Variants in FRMD1 observed in about 807,000 individuals in gnomAD.
FRMD1 encodes the protein FERM domain-containing protein 1.
A neutral mutation model predicts 54.9 loss-of-function variants in FRMD1; 51 were observed. That is an observed-to-expected ratio of 0.93 (90% CI 0.74 to 1.17). The LOEUF is 1.17. Among genes scored for constraint, FRMD1 ranks in the 50% most tolerant of loss-of-function variants. The pLI is 0.00. For synonymous variants in FRMD1, 324 were observed against 306.4 expected (o/e 1.06, Z -0.60); for missense variants, 729 against 743.0 (o/e 0.98, Z 0.22).
At chr6:168,065,474 G>A (rs1049590866) in intron 4 of FRMD1, 5 of 997,384 alleles carry the variant, frequency 5.0e-6, no homozygotes, top group Admixed American at 5.9e-5. Context: ...CGCCCAGCAC[G>A]GGGCTTGGCC....
upstream of FRMD1, among the ~76,000 whole-genome samples, chr6:168,083,595 GCTGTGCACTC>G (rs1366018417): frequency 1.3e-5 from 2 of 152,258 alleles, no homozygotes; most frequent in Non-Finnish European, 2.9e-5. Flanking sequence ...GTGAAGGGCA[GCTGTGCACTC>G]CCCATCAGGT....
At chr6:168,072,022 C>G (rs1199126115) in intron 2 of FRMD1, among the ~76,000 whole-genome samples, 1 of 152,268 alleles carries the variant, frequency 6.6e-6, no homozygotes, top group African/African-American at 2.4e-5. Flanking sequence ...GACACTGTGC[C>G]TCAGTCGAAA....
chr6:168,070,620 C>T (rs986545638), intron 2 of FRMD1, among the ~76,000 whole-genome samples: 2 of 152,324 alleles, frequency 1.3e-5, no homozygotes, highest in African/African-American at 4.8e-5. Context: ...CAGCCTCCAA[C>T]AATCATATGA....
intron 2 of FRMD1, 58 bp downstream of exon 2, chr6:168,075,187 A>C: frequency 1.4e-6 from 2 of 1,449,494 alleles, no homozygotes; most frequent in Non-Finnish European, 1.9e-6. Context: ...CACCCCCTTG[A>C]CCTCCAGCAG....
At chr6:168,067,949 G>GAAA (rs11428700) in intron 2 of FRMD1, among the ~76,000 whole-genome samples, 22 of 147,836 alleles carry the variant, frequency 1.5e-4, no homozygotes, top group African/African-American at 4.2e-4. Context: ...GTCACCACAG[G>GAAA]AAAAAAAAAA....
intron 10 of FRMD1, among the ~76,000 whole-genome samples, chr6:168,058,774 C>T (rs1002854883): frequency 7.9e-5 from 12 of 152,166 alleles, no homozygotes; most frequent in East Asian, 1.9e-4. Flanking sequence ...ACGAAGGGGA[C>T]GGGGCAGCCA....
Position 168,059,844 on chromosome 6 carries a change from C to T in FRMD1, c.1343-656G>A, listed in dbSNP as rs1397647613. Among the ~76,000 whole-genome samples the T allele has an allele frequency of 6.6e-6, 1 of 152,060 alleles. No homozygotes were observed. Among genetic ancestry groups the T allele is most frequent in the East Asian group, 1.9e-4 (1 of 5,166 alleles). On this transcript the variant is annotated intron_variant, in intron 9 of 10. Coordinates refer to ENST00000283309, the MANE Select transcript of FRMD1 (RefSeq NM_024919.6). The surrounding 1 kb of genome is among the most constrained non-coding windows in gnomAD (Gnocchi z 4.4). The stretch of plus-strand genomic sequence containing the variant: ...CAGGGAATGGGCAGGGTGCATCCCT[C>T]AGGACAAGGTGCTGCGTCCTGGGCC...
intron 4 of FRMD1, chr6:168,066,236 C>T: frequency 1.0e-6 from 1 of 987,904 alleles, no homozygotes; most frequent in Non-Finnish European, 1.2e-6. Flanking sequence ...CGGTGGCTCA[C>T]ACCTGTAATC....
At chr6:168,080,923 G>A (rs893230475), upstream of FRMD1, among the ~76,000 whole-genome samples, 2 of 152,120 alleles carry the variant, frequency 1.3e-5, no homozygotes, top group Non-Finnish European at 2.9e-5. Flanking sequence ...ACAGGTGACC[G>A]TGGGCCAATG....
chr6:168,092,031 C>T (rs1033737334), intron 1 of FRMD1, among the ~76,000 whole-genome samples: 3 of 152,248 alleles, frequency 2.0e-5, no homozygotes, highest in Admixed American at 6.5e-5. Flanking sequence ...GCCTCCACAG[C>T]GCTGCACTTC....
At chr6:168,067,631 G>C (rs1800111441) in intron 2 of FRMD1, 185 bp from the exon 3 acceptor site, 1 of 537,654 alleles carries the variant, frequency 1.9e-6, no homozygotes, top group East Asian at 3.0e-5. Flanking sequence ...CACACATGCA[G>C]GTGTCAAATG....
At chr6:168,063,538 G>A (rs1799868582) in intron 6 of FRMD1, 63 bp downstream of exon 6, 1 of 1,500,500 alleles carries the variant, frequency 6.7e-7, no homozygotes, top group Non-Finnish European at 8.9e-7. Context: ...CAGCCATGGG[G>A]GCTCCGTGCA....
At chr6:168,070,528 G>A (rs564167511) in intron 2 of FRMD1, among the ~76,000 whole-genome samples, 2 of 152,152 alleles carry the variant, frequency 1.3e-5, no homozygotes, top group Non-Finnish European at 2.9e-5. Flanking sequence ...AAGGAACTCC[G>A]TCTCCCGATG....
intron 2 of FRMD1, among the ~76,000 whole-genome samples, chr6:168,074,472 G>A (rs1197419348): frequency 6.6e-6 from 1 of 151,348 alleles, no homozygotes; most frequent in African/African-American, 2.4e-5. Context: ...CATGTGTGTG[G>A]TGCATGCATG....
rs200346694 is a variant in FRMD1 at position 168,078,938 on chromosome 6, G to A, written c.157C>T (p.His53Tyr). ...TLGMDAMASE[H>Y]RDVLVLLPSR... ...GGCAGCAGCACGAGGACATCCCTGT[G>A]TTCCGAGGCCATCGCGTCCATTCCC... Residue 53 changes from histidine (H) to tyrosine (Y), a missense_variant, in exon 1 of 11, where the codon CAC (histidine) becomes TAC (tyrosine). Physicochemically the swap from His to Tyr is moderately conservative, Grantham distance 83. Transcript: ENST00000283309. The A allele has an allele frequency of 6.2e-7, 1 of 1,609,108 alleles. No individual in the cohort carries two copies. The highest frequency in any genetic ancestry group is 2.2e-5 in the East Asian group (1 of 44,850).
At chr6:168,057,462 G>A in intron 10 of FRMD1, 123 bp from the exon 11 acceptor site, 1 of 1,433,958 alleles carries the variant, frequency 7.0e-7, no homozygotes, top group Non-Finnish European at 9.3e-7. Flanking sequence ...CTGCGCCGCA[G>A]TGCATGGCCG....
chr6:168,062,062 C>T, intron 7 of FRMD1, 81 bp from the exon 8 acceptor site: 1 of 1,448,512 alleles, frequency 6.9e-7, no homozygotes, highest in Non-Finnish European at 9.3e-7. Context: ...TAAATGTCAG[C>T]CATGGCCCCC....
At chr6:168,089,420 C>T (rs114907430) in intron 1 of FRMD1, among the ~76,000 whole-genome samples, 1,746 of 152,352 alleles carry the variant, frequency 0.011, 39 homozygotes, top group African/African-American at 0.04. Context: ...CTTCCTCCTT[C>T]GTTCAGGGAC....
At chr6:168,066,891 T>C in intron 3 of FRMD1, 60 bp from the exon 4 acceptor site, 1 of 1,593,462 alleles carries the variant, frequency 6.3e-7, no homozygotes, top group African/African-American at 1.3e-5. Context: ...CTGGCTGTCC[T>C]GTCTTCCCAG....
Sources: allele counts gnomAD v4.1 joint callset (sites outside exome capture counted in the v4.1 genomes callset), GRCh38; gene constraint gnomAD v4.1.1; non-coding constraint Gnocchi (gnomAD v3.1); transcripts MANE v1.5; gene names NCBI Gene and HGNC (gene_info 2026-07-23, HGNC 2026-07-21).